The following FIP1L1 variants were observed in gnomAD, a reference collection of about 807,000 sequenced individuals.
FIP1L1 encodes pre-mRNA 3'-end-processing factor FIP1.
A neutral mutation model predicts 84.6 loss-of-function variants in FIP1L1; 21 were observed. The ratio of observed to expected loss-of-function variants is 0.25; its 90% CI spans 0.18 to 0.36. The LOEUF (loss-of-function observed/expected upper bound fraction) is 0.36, where lower values mean the gene tolerates loss of function less well. FIP1L1 is among the 10% of genes least tolerant of loss of function. The probability of loss-of-function intolerance (pLI) is 1.00; values close to 1 mark genes in which losing one functional copy is unlikely to be tolerated. For synonymous variants in FIP1L1, 263 were observed against 242.3 expected, an observed-to-expected ratio of 1.09 and a Z score of -0.80; for missense variants, 526 against 751.1, an observed-to-expected ratio of 0.70 and a Z score of 3.50.
intron 5 of FIP1L1, among the ~76,000 whole-genome samples, chr4:53,385,763 ACTCATATCC>A (rs2149320947): frequency 6.6e-6 from 1 of 151,942 alleles, no homozygotes; most frequent in East Asian, 1.9e-4. Context: ...GTTTGCTTGA[ACTCATATCC>A]CTCTATGCGT....
At chr4:53,382,661 G>A (rs1560482726) in intron 4 of FIP1L1, among the ~76,000 whole-genome samples, 1 of 152,204 alleles carries the variant, frequency 6.6e-6, no homozygotes, top group Non-Finnish European at 1.5e-5. Flanking sequence ...ACCTTTCACT[G>A]TTACGATTTT....
Position 53,384,188 on chromosome 4 carries a change from C to T in FIP1L1, c.332+312C>T, listed in dbSNP as rs144789613. Among the ~76,000 whole-genome samples the T allele has an allele frequency of 9.4e-3, 1,435 of 152,210 alleles. 22 individuals are homozygous for T. The highest frequency in any genetic ancestry group is 0.033 in the African/African-American group (1,369 of 41,532). On this transcript the variant is annotated intron_variant, in intron 5 of 17. Coordinates refer to ENST00000337488, the MANE Select transcript of FIP1L1 (RefSeq NM_030917.4). ...CTTTGGGAGGCCGAGGCGGGTGAAT[C>T]ACCTGAGGTCAGGAGTTCAAGACCA... is the stretch of plus-strand genomic sequence containing the variant.
intron 10 of FIP1L1, among the ~76,000 whole-genome samples, chr4:53,405,484 G>A (rs985696928): frequency 1.8e-4 from 28 of 151,662 alleles, no homozygotes; most frequent in Admixed American, 1.2e-3. Flanking sequence ...TTGCCTTGGC[G>A]ATGCGGGCTC....
At chr4:53,445,800 A>G (rs1382546670) in intron 15 of FIP1L1, among the ~76,000 whole-genome samples, 1 of 152,132 alleles carries the variant, frequency 6.6e-6, no homozygotes, top group Non-Finnish European at 1.5e-5. Context: ...GCTTTTAGGC[A>G]AATTAGGGAG....
chr4:53,389,825 C>A lies in FIP1L1; in HGVS notation c.349C>A (p.Pro117Thr), dbSNP rs1445275826. 6.2e-7 allele frequency: 1 copy of A among 1,601,172 alleles called. No individual in the cohort carries two copies. Among genetic ancestry groups the A allele is most frequent in the South Asian group, 1.1e-5 (1 of 87,726 alleles). Residue 117 changes from proline to threonine, a missense_variant, in exon 6 of 18, where the codon CCT becomes ACT. Transcript: ENST00000337488. ...APQYGSYGTA[P>T]VNLNIKTGGR... ...TGTTTTTAGGAGTTATGGTACAGCA[C>A]CTGTAAATCTTAACATCAAGACAGG...
At chr4:53,418,300 C>A (rs1372088016) in intron 11 of FIP1L1, among the ~76,000 whole-genome samples, 1 of 139,878 alleles carries the variant, frequency 7.1e-6, no homozygotes, top group East Asian at 2.0e-4. Context: ...TAAATAAATA[C>A]ATAAATAACA....
At chr4:53,437,912 A>C (rs1353081260) in intron 13 of FIP1L1, among the ~76,000 whole-genome samples, 1 of 151,814 alleles carries the variant, frequency 6.6e-6, no homozygotes, top group Non-Finnish European at 1.5e-5. Context: ...TTTTTAGTAG[A>C]GACAGGGTTT....
chr4:53,423,132 A>G (rs1431197228), intron 11 of FIP1L1, among the ~76,000 whole-genome samples: 1 of 152,212 alleles, frequency 6.6e-6, no homozygotes, highest in Non-Finnish European at 1.5e-5. Context: ...TCATCAAAAT[A>G]TGATAATTTA....
chr4:53,411,402 A>C (rs1276876550), intron 10 of FIP1L1, among the ~76,000 whole-genome samples: 1 of 152,234 alleles, frequency 6.6e-6, no homozygotes, highest in Non-Finnish European at 1.5e-5. Context: ...GCCACAACTC[A>C]TTAGGAAAGT....
chr4:53,427,145 C>T (rs1764654061), intron 12 of FIP1L1, among the ~76,000 whole-genome samples: 1 of 152,144 alleles, frequency 6.6e-6, no homozygotes, highest in Non-Finnish European at 1.5e-5. Context: ...AATAGCTTAT[C>T]AGCATAAGCC....
chr4:53,377,786 AG>A lies in FIP1L1; in HGVS notation c.-49del, dbSNP rs1735338234. Reference sequence around the variant, plus strand: ...CGCCTCGGGGCTGCGAGGCTGGGGAAGGGGTTGGAGGGGGCTGTTGATCGCC... The same window carrying A: ...CGCCTCGGGGCTGCGAGGCTGGGGAAGGGTTGGAGGGGGCTGTTGATCGCC... On this transcript the variant is annotated 5_prime_UTR_variant, in exon 1 of 18. It introduces an in-frame stop codon into an upstream open reading frame of the 5' UTR. Transcript: ENST00000337488. The A allele has an allele frequency of 6.9e-7, 1 of 1,445,520 alleles. No individual in the cohort carries two copies. 89.5% of individuals were successfully genotyped at this position (1,445,520 alleles called of 1,614,324 possible). A position where few individuals can be genotyped will look rare whatever the true frequency, so the allele number is the denominator to read the frequency against.
chr4:53,428,138 C>T lies in FIP1L1; in HGVS notation c.1129C>T (p.Pro377Ser). 6.2e-7 allele frequency: 1 copy of T among 1,608,008 alleles called. No homozygotes were observed. The highest frequency in any genetic ancestry group is 8.5e-7 in the Non-Finnish European group (1 of 1,175,678). Residue 377 changes from proline to serine, a missense_variant, in exon 13 of 18, where the codon CCT (proline) becomes TCT (serine). Around this residue, in one of 6 missense-constraint regions of FIP1L1, gnomAD observed 80 missense variants for 151.1 expected, o/e 0.53. Coordinates refer to ENST00000337488, the MANE Select transcript of FIP1L1 (RefSeq NM_030917.4). ...THLPPPPFLPPPPTVSTAPPL... is the reference protein window; with the variant it reads ...THLPPPPFLPSPPTVSTAPPL... ...CCTTCCACCTCCTCCATTTCTTCCACCTCCTCCGACTGTCAGCACTGCTCC... is the reference window on the plus strand; with the variant it reads ...CCTTCCACCTCCTCCATTTCTTCCATCTCCTCCGACTGTCAGCACTGCTCC...
At chr4:53,401,066 C>T (rs998519051) in intron 10 of FIP1L1, among the ~76,000 whole-genome samples, 1 of 152,112 alleles carries the variant, frequency 6.6e-6, no homozygotes. Flanking sequence ...TAATCTTATG[C>T]CTTGATTTCT....
intron 5 of FIP1L1, among the ~76,000 whole-genome samples, chr4:53,387,578 T>G (rs1741789683): frequency 1.3e-5 from 2 of 152,032 alleles, no homozygotes; most frequent in Admixed American, 1.3e-4. Context: ...ACCACTAAGC[T>G]TCTCTACACA....
At chr4:53,415,529 GTT>G (rs770097857) in intron 11 of FIP1L1, among the ~76,000 whole-genome samples, 4 of 144,650 alleles carry the variant, frequency 2.8e-5, no homozygotes, top group Non-Finnish European at 6.0e-5. Flanking sequence ...TTTGTTTTTT[GTT>G]TTTTTTTTTG....
chr4:53,426,843 T>C (rs1764552913), intron 12 of FIP1L1, among the ~76,000 whole-genome samples: 1 of 152,094 alleles, frequency 6.6e-6, no homozygotes, highest in Non-Finnish European at 1.5e-5. Context: ...AGGTGAAAAA[T>C]TGAGGGGAGA....
At chr4:53,380,376 C>G (rs189748762) in intron 3 of FIP1L1, among the ~76,000 whole-genome samples, 11 of 152,086 alleles carry the variant, frequency 7.2e-5, no homozygotes, top group African/African-American at 2.2e-4. Flanking sequence ...GATGTCAGTC[C>G]GTAGAGACAG....
intron 13 of FIP1L1, among the ~76,000 whole-genome samples, chr4:53,428,749 T>C (rs1472419808): frequency 6.6e-6 from 1 of 152,244 alleles, no homozygotes; most frequent in Non-Finnish European, 1.5e-5. Flanking sequence ...AACTCACAAA[T>C]AATTCCCAAA....
At position 53,377,695 on chromosome 4, in the gene FIP1L1, C is replaced by G. The variant is rs1373759188; in HGVS notation, c.-144C>G. On this transcript the variant is annotated 5_prime_UTR_variant, in exon 1 of 18. Coordinates refer to ENST00000337488, the MANE Select transcript of FIP1L1 (RefSeq NM_030917.4). Reference sequence around the variant, plus strand: ...GCTTCATCTTTGCCGCCGCTGCCGTCGCCTTCCTGGGATTGGAGTCTCGAG... The same window carrying G: ...GCTTCATCTTTGCCGCCGCTGCCGTGGCCTTCCTGGGATTGGAGTCTCGAG... 3 of 691,322 alleles carry G rather than the reference C, an allele frequency of 4.3e-6. No individual in the cohort carries two copies. The African/African-American group carries it at 5.6e-5, about 13-fold the overall frequency. The allele number at this position is 691,322 out of a possible 1,614,324, so 42.8% of individuals were successfully genotyped here.
Sources: allele counts gnomAD v4.1 joint callset (sites outside exome capture counted in the v4.1 genomes callset), GRCh38; gene constraint gnomAD v4.1.1; regional missense constraint gnomAD v4.1.1; transcripts MANE v1.5; gene names NCBI Gene and HGNC (gene_info 2026-07-23, HGNC 2026-07-21).